The following ERBB4 variants were observed in gnomAD, a reference collection of about 807,000 sequenced individuals.
ERBB4 encodes the protein receptor tyrosine-protein kinase erbB-4.
In ERBB4, 42 loss-of-function variants were observed where a neutral mutation model predicts 158.0. The observed-to-expected ratio is 0.27, with a 90% CI of 0.21 to 0.34. The LOEUF is 0.34. Ranked by LOEUF, ERBB4 falls within the 10% of genes least tolerant of loss-of-function variation. The pLI is 1.00. For synonymous variants in ERBB4, 583 were observed against 558.7 expected, an observed-to-expected ratio of 1.04 and a Z score of -0.61; for missense variants, 1,333 against 1,624.1, an observed-to-expected ratio of 0.82 and a Z score of 3.08.
intron 19 of ERBB4, among the ~76,000 whole-genome samples, chr2:211,596,566 T>C (rs1829611): frequency 0.77 from 116,752 of 152,014 alleles, 47,794 homozygotes; most frequent in Non-Finnish European, 0.9. Context: ...CTAATAAACC[T>C]CTGCATTCTC....
At chr2:212,414,329 T>C (rs1172146872) in intron 1 of ERBB4, among the ~76,000 whole-genome samples, 1 of 152,232 alleles carries the variant, frequency 6.6e-6, no homozygotes. Flanking sequence ...TCATTCTATA[T>C]TCTTTTAACT....
At chr2:211,861,111 TTA>T (rs1182581518) in intron 3 of ERBB4, among the ~76,000 whole-genome samples, 1 of 21,536 alleles carries the variant, frequency 4.6e-5, no homozygotes, top group East Asian at 1.5e-3. Flanking sequence ...TTATATATAT[TTA>T]TATATATATT....
intron 1 of ERBB4, among the ~76,000 whole-genome samples, chr2:212,537,748 CTT>C (rs10639453): frequency 2.1e-5 from 3 of 143,556 alleles, no homozygotes; most frequent in Admixed American, 6.9e-5. Context: ...TGTGCCAAGC[CTT>C]TTTTTTTTTT....
At chr2:211,923,723 T>C (rs181430959) in intron 3 of ERBB4, among the ~76,000 whole-genome samples, 12 of 152,088 alleles carry the variant, frequency 7.9e-5, no homozygotes, top group Admixed American at 3.3e-4. Context: ...TTGTATTGTA[T>C]TGTATTGTAT....
chr2:212,067,700 T>G (rs2077985465), intron 2 of ERBB4, among the ~76,000 whole-genome samples: 1 of 152,034 alleles, frequency 6.6e-6, no homozygotes. Context: ...GGATATCTTT[T>G]CTCAGCATTG....
chr2:211,475,258 C>T (rs2064925862), intron 20 of ERBB4, among the ~76,000 whole-genome samples: 1 of 151,940 alleles, frequency 6.6e-6, no homozygotes, highest in South Asian at 2.1e-4. Context: ...AACTAAAAGA[C>T]CTGTATTAGA....
intron 1 of ERBB4, among the ~76,000 whole-genome samples, chr2:212,258,630 T>TTAAAATTTTAATATATATTAAAA (rs1195854678): frequency 6.8e-6 from 1 of 148,148 alleles, no homozygotes; most frequent in East Asian, 1.9e-4. Context: ...ATAATATATA[T>TTAAAATTTTAATATATATTAAAA]AATAATATAT....
intron 20 of ERBB4, among the ~76,000 whole-genome samples, chr2:211,498,560 A>ACATAATG (rs2065534058): frequency 6.6e-6 from 1 of 152,170 alleles, no homozygotes; most frequent in Non-Finnish European, 1.5e-5. Flanking sequence ...AATACACATT[A>ACATAATG]TGTTACATAA....
At chr2:211,609,574 G>A (rs907940015) in intron 19 of ERBB4, among the ~76,000 whole-genome samples, 1 of 152,108 alleles carries the variant, frequency 6.6e-6, no homozygotes, top group East Asian at 1.9e-4. Context: ...ACAGGATCTT[G>A]CTCTGTCACC....
chr2:211,385,405 T>C (rs759287040), intron 27 of ERBB4, among the ~76,000 whole-genome samples: 1 of 152,176 alleles, frequency 6.6e-6, no homozygotes, highest in African/African-American at 2.4e-5. Context: ...TCAGGTCTTC[T>C]AACTCCTCTT....
chr2:211,934,926 T>TAAAA (rs34614862), intron 3 of ERBB4, among the ~76,000 whole-genome samples: 8 of 86,644 alleles, frequency 9.2e-5, no homozygotes, highest in African/African-American at 2.0e-4. Context: ...CTCATTCAGC[T>TAAAA]AAAAAAAAAA....
chr2:211,785,332 A>G (rs2106312391), intron 4 of ERBB4, among the ~76,000 whole-genome samples: 1 of 152,206 alleles, frequency 6.6e-6, no homozygotes. Context: ...CGCTCTCCTG[A>G]TCGCGTGATC....
At chr2:212,416,188 G>T (rs1574877712) in intron 1 of ERBB4, among the ~76,000 whole-genome samples, 1 of 152,248 alleles carries the variant, frequency 6.6e-6, no homozygotes, top group East Asian at 1.9e-4. Flanking sequence ...TCAACGGAAA[G>T]TTACCCTCCA....
Position 211,709,250 on chromosome 2 carries a change from T to TATATACAC in ERBB4, c.1124+2799_1124+2800insGTGTATAT, listed in dbSNP as rs796457073. Among the ~76,000 whole-genome samples, 3 of 124,300 alleles carry TATATACAC rather than the reference T, an allele frequency of 2.4e-5. No homozygotes were observed. In the East Asian group the frequency reaches 1.1e-3, roughly 46 times the overall value. 81.5% of individuals were successfully genotyped at this position (124,300 alleles called of 152,430 possible). A position where few individuals can be genotyped will look rare whatever the true frequency, so the allele number is the denominator to read the frequency against. On this transcript the variant is annotated intron_variant, in intron 9 of 27. Coordinates refer to ENST00000342788, the MANE Select transcript of ERBB4 (RefSeq NM_005235.3). ...GCGTGTGTGTGTATATATATATATA[T>TATATACAC]ACACATATATATATATATATATATA...
At chr2:211,672,730 A>C (rs1046975315) in intron 14 of ERBB4, among the ~76,000 whole-genome samples, 2 of 152,180 alleles carry the variant, frequency 1.3e-5, no homozygotes, top group Non-Finnish European at 1.5e-5. Context: ...TTTCCAGATT[A>C]TTCTTCAAAG....
chr2:212,329,100 A>C (rs1348343232), intron 1 of ERBB4, among the ~76,000 whole-genome samples: 1 of 152,068 alleles, frequency 6.6e-6, no homozygotes, highest in African/African-American at 2.4e-5. Flanking sequence ...ACTTCAGTTT[A>C]CTGAGAGCTT....
chr2:212,340,966 T>C (rs2088681150), intron 1 of ERBB4, among the ~76,000 whole-genome samples: 1 of 152,172 alleles, frequency 6.6e-6, no homozygotes, highest in Admixed American at 6.6e-5. Flanking sequence ...ATCAAGATCT[T>C]AAAAGGTATA....
chr2:211,591,696 G>T (rs1574821800), intron 19 of ERBB4, among the ~76,000 whole-genome samples: 2 of 152,352 alleles, frequency 1.3e-5, no homozygotes, highest in Admixed American at 1.3e-4. Flanking sequence ...AAAGCAAAGA[G>T]AGTCTCTTAA....
chr2:211,814,433 A>G (rs1223411471), intron 3 of ERBB4, among the ~76,000 whole-genome samples: 1 of 152,194 alleles, frequency 6.6e-6, no homozygotes, highest in Non-Finnish European at 1.5e-5. Flanking sequence ...TTAACTTAAG[A>G]CATTAAATTA....
Sources: allele counts gnomAD v4.1 joint callset (sites outside exome capture counted in the v4.1 genomes callset), GRCh38; gene constraint gnomAD v4.1.1; transcripts MANE v1.5; gene names NCBI Gene and HGNC (gene_info 2026-07-23, HGNC 2026-07-21).